The following FGF12 variants were observed in gnomAD, a reference collection of about 807,000 sequenced individuals.
FGF12 encodes the protein fibroblast growth factor 12B.
In FGF12, 14 loss-of-function variants were observed where a neutral mutation model predicts 23.6. The observed-to-expected ratio is 0.59, with a 90% CI of 0.39 to 0.93. The LOEUF is 0.93. Among genes scored for constraint, FGF12 ranks in the 40% least tolerant of loss-of-function variants. The pLI, the probability that FGF12 is intolerant of heterozygous loss-of-function variation, is 0.00. For missense variants in FGF12, 175 were observed against 217.8 expected (o/e 0.80, Z 1.24); for synonymous variants, 62 against 77.3 (o/e 0.80, Z 1.04).
At chr3:192,263,572 G>A (rs1375736553) in intron 4 of FGF12, among the ~76,000 whole-genome samples, 1 of 151,368 alleles carries the variant, frequency 6.6e-6, no homozygotes, top group African/African-American at 2.4e-5. Flanking sequence ...CTATTCCTGA[G>A]CCACACTCCA....
intron 4 of FGF12, among the ~76,000 whole-genome samples, chr3:192,217,394 C>T (rs1347792626): frequency 6.6e-6 from 1 of 152,150 alleles, no homozygotes; most frequent in Non-Finnish European, 1.5e-5. Context: ...TTTGTACCAG[C>T]CGGTAACCAA....
At chr3:192,168,953 T>G (rs1715383485) in intron 5 of FGF12, among the ~76,000 whole-genome samples, 1 of 152,022 alleles carries the variant, frequency 6.6e-6, no homozygotes. Flanking sequence ...TCTTGAATTA[T>G]TTTTTTCCAA....
chr3:192,539,744 G>A (rs574988964), intron 2 of FGF12, among the ~76,000 whole-genome samples: 2 of 152,154 alleles, frequency 1.3e-5, no homozygotes, highest in African/African-American at 4.8e-5. Flanking sequence ...TTCTTTAAAT[G>A]TTTGGTAAAA....
intron 2 of FGF12, among the ~76,000 whole-genome samples, chr3:192,492,089 A>T (rs1723817686): frequency 6.6e-6 from 1 of 152,168 alleles, no homozygotes; most frequent in Non-Finnish European, 1.5e-5. Context: ...CTAGGTTTGT[A>T]TGGACTTTTT....
chr3:192,440,301 TCTGA>T (rs1722166858), intron 2 of FGF12, among the ~76,000 whole-genome samples: 1 of 152,150 alleles, frequency 6.6e-6, no homozygotes, highest in South Asian at 2.1e-4. Flanking sequence ...AAAACGTCAC[TCTGA>T]CTGTGGTCTG....
chr3:192,365,793 C>T (rs1024152839), intron 2 of FGF12, among the ~76,000 whole-genome samples: 1 of 151,904 alleles, frequency 6.6e-6, no homozygotes, highest in Non-Finnish European at 1.5e-5. Context: ...TCTAGACGTT[C>T]CTGCCGGCTT....
intron 2 of FGF12, among the ~76,000 whole-genome samples, chr3:192,601,509 A>G (rs1714113595): frequency 6.6e-6 from 1 of 152,128 alleles, no homozygotes; most frequent in South Asian, 2.1e-4. Context: ...CTCTGATCAT[A>G]TACATTACAT....
intron 2 of FGF12, among the ~76,000 whole-genome samples, chr3:192,593,084 A>G (rs2654696): frequency 0.23 from 34,959 of 151,744 alleles, 5,150 homozygotes; most frequent in East Asian, 0.34. Context: ...TGCAAGTAAC[A>G]TAGCATCATT....
At chr3:192,577,355 T>A (rs1419516590) in intron 2 of FGF12, among the ~76,000 whole-genome samples, 3 of 152,242 alleles carry the variant, frequency 2.0e-5, no homozygotes, top group Non-Finnish European at 4.4e-5. Context: ...AGAATCTTTT[T>A]TTAAATGAAC....
At chr3:192,518,932 C>T (rs1414600307) in intron 2 of FGF12, among the ~76,000 whole-genome samples, 14 of 152,020 alleles carry the variant, frequency 9.2e-5, no homozygotes, top group Admixed American at 4.6e-4. Flanking sequence ...TCATCTTCTT[C>T]ATCTTCGTTA....
At chr3:192,296,191 C>T (rs1715031085) in intron 4 of FGF12, among the ~76,000 whole-genome samples, 1 of 149,654 alleles carries the variant, frequency 6.7e-6, no homozygotes, top group Non-Finnish European at 1.5e-5. Context: ...CAGGCGTAAG[C>T]CACCATGCCT....
intron 2 of FGF12, among the ~76,000 whole-genome samples, chr3:192,610,039 A>C (rs1280500491): frequency 1.3e-5 from 2 of 152,084 alleles, no homozygotes; most frequent in Non-Finnish European, 2.9e-5. Context: ...AAATACATCC[A>C]TGATCATTAG....
At chr3:192,450,625 TC>T (rs1354118535) in intron 2 of FGF12, among the ~76,000 whole-genome samples, 1 of 152,174 alleles carries the variant, frequency 6.6e-6, no homozygotes, top group African/African-American at 2.4e-5. Flanking sequence ...CTCTTTATAA[TC>T]ATCAAGAGTC....
intron 2 of FGF12, among the ~76,000 whole-genome samples, chr3:192,403,739 A>G (rs906390132): frequency 1.3e-5 from 2 of 152,116 alleles, no homozygotes; most frequent in South Asian, 2.1e-4. Context: ...ATAAAAATCT[A>G]ACTCATATTC....
chr3:192,268,295 G>A (rs1164794481), intron 4 of FGF12, among the ~76,000 whole-genome samples: 7 of 152,060 alleles, frequency 4.6e-5, no homozygotes, highest in Non-Finnish European at 1.0e-4. Context: ...CTCCATCTGG[G>A]GAGCTGTGGT....
intron 5 of FGF12, among the ~76,000 whole-genome samples, chr3:192,154,851 G>A (rs1461687463): frequency 1.4e-5 from 2 of 144,264 alleles, no homozygotes; most frequent in Non-Finnish European, 3.1e-5. Flanking sequence ...CCCAGTTCGA[G>A]CTTCCCGGCT....
chr3:192,474,590 T>C (rs767365627), intron 2 of FGF12, among the ~76,000 whole-genome samples: 16 of 151,886 alleles, frequency 1.1e-4, no homozygotes, highest in Non-Finnish European at 2.1e-4. Flanking sequence ...CCAAAAGGTA[T>C]AAAGAAAAAG....
chr3:192,655,625 G>A (rs1716382076), intron 2 of FGF12, among the ~76,000 whole-genome samples: 1 of 152,138 alleles, frequency 6.6e-6, no homozygotes, highest in African/African-American at 2.4e-5. Flanking sequence ...CATAACTGAT[G>A]AGTCCCCCAA....
intron 2 of FGF12, among the ~76,000 whole-genome samples, chr3:192,622,300 A>C (rs937831657): frequency 6.6e-5 from 10 of 152,206 alleles, no homozygotes; most frequent in African/African-American, 2.4e-4. Flanking sequence ...ACATGGAGCC[A>C]TTCTAGAGTT....
Sources: allele counts gnomAD v4.1 joint callset (sites outside exome capture counted in the v4.1 genomes callset), GRCh38; gene constraint gnomAD v4.1.1; transcripts MANE v1.5; gene names NCBI Gene and HGNC (gene_info 2026-07-23, HGNC 2026-07-21).